The following METAP2 variants were observed in gnomAD, a reference collection of about 807,000 sequenced individuals.
METAP2 encodes methionyl aminopeptidase 2, also known as methionine aminopeptidase 2.
METAP2 carries 25 observed loss-of-function variants against 59.4 expected under a neutral mutation model. The observed-to-expected ratio is 0.42, with a 90% CI of 0.31 to 0.59. METAP2 has a LOEUF of 0.59. METAP2 is among the 20% of genes least tolerant of loss of function. The pLI, the probability that METAP2 is intolerant of heterozygous loss-of-function variation, is 0.16. For missense variants in METAP2, 366 were observed against 581.2 expected, an observed-to-expected ratio of 0.63 and a Z score of 3.81; for synonymous variants, 214 against 194.1, an observed-to-expected ratio of 1.10 and a Z score of -0.85.
At chr12:95,509,625 C>G (rs1209900869) in intron 8 of METAP2, among the ~76,000 whole-genome samples, 4 of 152,148 alleles carry the variant, frequency 2.6e-5, no homozygotes, top group African/African-American at 9.7e-5. Flanking sequence ...ACCCTCTCTT[C>G]ATGGCTTTCC....
intron 8 of METAP2, among the ~76,000 whole-genome samples, chr12:95,505,139 T>C (rs2140161429): frequency 6.6e-6 from 1 of 152,322 alleles, no homozygotes; most frequent in South Asian, 2.1e-4. Flanking sequence ...GTGGAGACTC[T>C]CATGTTGTTT....
chr12:95,492,148 G>GTGTGTGTGTGTGTA lies in METAP2; in HGVS notation c.429-1901_429-1900insGTGTGTATGTGTGT, dbSNP rs1292291401. 2.0e-5 allele frequency among the ~76,000 whole-genome samples: 3 copies of GTGTGTGTGTGTGTA among 151,718 alleles called. No homozygotes were observed. The East Asian group carries it at 5.8e-4, about 29-fold the overall frequency. On this transcript the variant is annotated intron_variant, in intron 4 of 10. Transcript: ENST00000323666. Reference sequence around the variant, plus strand: ...TATGTGTGTTTGTGTGTGTGTGTGTGTGTGTGTATGTATATGTGTGTGTAT... The same window carrying GTGTGTGTGTGTGTA: ...TATGTGTGTTTGTGTGTGTGTGTGTGTGTGTGTGTGTGTATGTGTGTATGTATATGTGTGTGTAT...
At chr12:95,499,982 C>T (rs1483837549) in intron 7 of METAP2, among the ~76,000 whole-genome samples, 1 of 152,208 alleles carries the variant, frequency 6.6e-6, no homozygotes, top group East Asian at 1.9e-4. Context: ...TCACCTCCCT[C>T]TCTCAGCACA....
At position 95,474,274 on chromosome 12, in the gene METAP2, A is replaced by T. The variant is rs756511690; in HGVS notation, c.95A>T (p.Glu32Val). ...DREEGAASTA[E>V]EAAKKKRRKK... Reference sequence around the variant, plus strand: ...GAAGAAGGAGCTGCCTCTACGGCTGAGGAAGCAGCCAAGAAAAAAAGACGA... The same window carrying T: ...GAAGAAGGAGCTGCCTCTACGGCTGTGGAAGCAGCCAAGAAAAAAAGACGA... Residue 32 changes from glutamate to valine, a missense_variant, in exon 1 of 11, where the codon GAG (glutamate) becomes GTG (valine). Glu to Val is a moderately radical substitution (Grantham distance 121, BLOSUM62 -2). Around this residue, in one of 4 missense-constraint regions of METAP2, gnomAD observed 177 missense variants for 180.3 expected, o/e 0.98. Transcript: ENST00000323666. The T allele has an allele frequency of 1.6e-5, 26 of 1,614,132 alleles. No homozygotes were observed. The highest frequency in any genetic ancestry group is 2.2e-5 in the Non-Finnish European group (26 of 1,180,046).
intron 7 of METAP2, among the ~76,000 whole-genome samples, chr12:95,500,308 A>C (rs1017796948): frequency 6.6e-6 from 1 of 152,138 alleles, no homozygotes; most frequent in East Asian, 1.9e-4. Flanking sequence ...TTTGTGTGGA[A>C]TCTTTAGGGT....
rs201630366 is a variant in METAP2 at position 95,494,938 on chromosome 12, C to G, written c.591-19C>G. 1.3e-6 allele frequency: 2 copies of G among 1,598,906 alleles called. No homozygotes were observed. The highest frequency in any genetic ancestry group is 1.7e-6 in the Non-Finnish European group (2 of 1,171,192). On this transcript the variant is annotated intron_variant, in intron 5 of 10. Transcript: ENST00000323666. ...AAGAATGTAAAAGTAAACAAGTTCC[C>G]TTTGCTTTTTTGTTTTAGTGAAAAG...
intron 4 of METAP2, 40 bp downstream of exon 4, chr12:95,486,021 G>A (rs760781980): frequency 7.5e-7 from 1 of 1,340,010 alleles, no homozygotes; most frequent in Non-Finnish European, 1.0e-6. Context: ...ATTTCTGACA[G>A]TTATAGCTTA....
intron 5 of METAP2, 69 bp from the exon 6 acceptor site, chr12:95,494,888 C>T: frequency 7.8e-7 from 1 of 1,281,554 alleles, no homozygotes; most frequent in Non-Finnish European, 1.1e-6. Context: ...ACTTGATGAA[C>T]TATATGGTAT....
chr12:95,503,855 C>G (rs968397904), intron 7 of METAP2, among the ~76,000 whole-genome samples: 11 of 152,312 alleles, frequency 7.2e-5, no homozygotes, highest in African/African-American at 2.6e-4. Context: ...CAGATTTTGT[C>G]AGTGCACTTG....
At chr12:95,492,189 C>G (rs1194249563) in intron 4 of METAP2, among the ~76,000 whole-genome samples, 3 of 150,062 alleles carry the variant, frequency 2.0e-5, no homozygotes, top group African/African-American at 7.5e-5. Flanking sequence ...TTGGTGGAGA[C>G]AGGGTCCCAC....
At chr12:95,481,323 A>G (rs2076156717) in intron 2 of METAP2, among the ~76,000 whole-genome samples, 1 of 152,074 alleles carries the variant, frequency 6.6e-6, no homozygotes, top group African/African-American at 2.4e-5. Context: ...AGGTGGGAGG[A>G]TTTCCTGAGT....
At chr12:95,493,940 TA>T in intron 4 of METAP2, 115 bp from the exon 5 acceptor site, 1 of 798,216 alleles carries the variant, frequency 1.3e-6, no homozygotes, top group Non-Finnish European at 1.8e-6. Context: ...TTTATTGACA[TA>T]AACTGAATAT....
Position 95,511,932 on chromosome 12 carries a change from G to T in METAP2, c.1002G>T (p.Gly334=), listed in dbSNP as rs1431175340. The change falls in exon 9 of 11, where the codon GGG becomes GGT. Residue 334 remains glycine (G), a synonymous_variant. Coordinates refer to ENST00000323666, the MANE Select transcript of METAP2 (RefSeq NM_006838.4). ...PIRNLNGHSI[G]QYRIHAGKTV... is the part of the protein sequence containing the mutation. The stretch of plus-strand genomic sequence containing the variant: ...GTAATCTAAATGGACATTCAATTGG[G>T]CAATATAGAATACATGCTGGAAAAA... 6.2e-7 allele frequency: 1 copy of T among 1,612,294 alleles called. No homozygotes were observed. The highest frequency in any genetic ancestry group is 8.5e-7 in the Non-Finnish European group (1 of 1,179,082).
intron 3 of METAP2, among the ~76,000 whole-genome samples, chr12:95,485,348 T>G (rs1342156262): frequency 6.6e-6 from 1 of 152,204 alleles, no homozygotes. Context: ...AAAGGCATCT[T>G]TATCAGATTT....
chr12:95,493,204 G>T (rs1021167171), intron 4 of METAP2, among the ~76,000 whole-genome samples: 2 of 152,106 alleles, frequency 1.3e-5, no homozygotes, highest in African/African-American at 4.8e-5. Flanking sequence ...TGTCAGTTGG[G>T]GTGGCTCACG....
At chr12:95,478,911 T>G (rs533827635) in intron 2 of METAP2, among the ~76,000 whole-genome samples, 1 of 151,642 alleles carries the variant, frequency 6.6e-6, no homozygotes, top group Admixed American at 6.6e-5. Context: ...TAGAGGATTT[T>G]TAAGAAATGT....
chr12:95,494,753 A>G (rs964585121), intron 5 of METAP2, among the ~76,000 whole-genome samples: 2 of 152,152 alleles, frequency 1.3e-5, no homozygotes, highest in East Asian at 3.8e-4. Context: ...TTCTAGCAGA[A>G]TCAAATTCCT....
At chr12:95,498,734 T>A (rs1348900740) in intron 7 of METAP2, among the ~76,000 whole-genome samples, 1 of 152,194 alleles carries the variant, frequency 6.6e-6, no homozygotes, top group Non-Finnish European at 1.5e-5. Flanking sequence ...CTCATCTGGG[T>A]CAGGCACAGT....
chr12:95,513,518 T>C (rs934537175), intron 10 of METAP2, 134 bp from the exon 11 acceptor site: 10 of 972,090 alleles, frequency 1.0e-5, no homozygotes, highest in Admixed American at 2.6e-5. Context: ...TGGCTTTTGA[T>C]TGTTGAAAGA....
Sources: allele counts gnomAD v4.1 joint callset (sites outside exome capture counted in the v4.1 genomes callset), GRCh38; gene constraint gnomAD v4.1.1; regional missense constraint gnomAD v4.1.1; transcripts MANE v1.5; gene names NCBI Gene and HGNC (gene_info 2026-07-23, HGNC 2026-07-21).